The following ADAMTS12 variants were observed in gnomAD, a reference collection of about 807,000 sequenced individuals.
ADAMTS12 encodes the protein A disintegrin and metalloproteinase with thrombospondin motifs 12.
In ADAMTS12, 118 loss-of-function variants were observed where a neutral mutation model predicts 167.8. The observed-to-expected ratio is 0.70, with a 90% CI of 0.61 to 0.82. The LOEUF (loss-of-function observed/expected upper bound fraction) is 0.82, where lower values mean the gene tolerates loss of function less well. Among genes scored for constraint, ADAMTS12 ranks in the 40% least tolerant of loss-of-function variants. The pLI is 0.00. For synonymous variants in ADAMTS12, 704 were observed against 716.9 expected, an observed-to-expected ratio of 0.98 and a Z score of 0.29; for missense variants, 1,916 against 1,998.8, an observed-to-expected ratio of 0.96 and a Z score of 0.79.
At chr5:33,752,193 T>C (rs1007105683) in intron 2 of ADAMTS12, among the ~76,000 whole-genome samples, 8 of 152,172 alleles carry the variant, frequency 5.3e-5, no homozygotes, top group Middle Eastern at 3.2e-3. Flanking sequence ...GGCCAATGAG[T>C]AACTCCTTTT....
chr5:33,674,040 T>A (rs543293339), intron 5 of ADAMTS12, among the ~76,000 whole-genome samples: 1 of 152,296 alleles, frequency 6.6e-6, no homozygotes, highest in East Asian at 1.9e-4. Context: ...TGCTTTCCTC[T>A]TAGGGCCTCC....
intron 2 of ADAMTS12, among the ~76,000 whole-genome samples, chr5:33,780,908 G>A (rs1460353109): frequency 6.6e-6 from 1 of 152,068 alleles, no homozygotes; most frequent in African/African-American, 2.4e-5. Context: ...GTCTCATCAG[G>A]GAATCTCAGT....
intron 1 of ADAMTS12, among the ~76,000 whole-genome samples, chr5:33,883,414 G>A (rs1750528660): frequency 1.4e-5 from 2 of 146,038 alleles, no homozygotes; most frequent in South Asian, 2.2e-4. Flanking sequence ...GATGAAATAT[G>A]GGGCAGAATA....
chr5:33,639,392 G>A (rs1740350467), intron 11 of ADAMTS12, among the ~76,000 whole-genome samples: 1 of 152,142 alleles, frequency 6.6e-6, no homozygotes. Context: ...ATTTAAGACA[G>A]CAATTATGTA....
intron 3 of ADAMTS12, among the ~76,000 whole-genome samples, chr5:33,719,048 C>T (rs185190471): frequency 3.9e-5 from 6 of 152,080 alleles, no homozygotes; most frequent in Admixed American, 2.6e-4. Context: ...ACATGCCTTG[C>T]GGTGCTTAAT....
chr5:33,607,911 G>A lies in ADAMTS12; in HGVS notation c.2527+6327C>T, dbSNP rs536300180. On this transcript the variant is annotated intron_variant, in intron 16 of 23. Transcript: ENST00000504830. ...TTTTTAAAGAGAAAGAACTAGATAAGGAATTTTAATACTAACACATATATA... is the reference window on the plus strand; with the variant it reads ...TTTTTAAAGAGAAAGAACTAGATAAAGAATTTTAATACTAACACATATATA... Among the ~76,000 whole-genome samples the A allele has an allele frequency of 4.1e-3, 627 of 152,264 alleles. 4 individuals carry two copies. The highest frequency in any genetic ancestry group is 5.8e-3 in the Non-Finnish European group (392 of 68,022).
Position 33,821,415 on chromosome 5 carries a change from T to A in ADAMTS12, c.489+59704A>T, listed in dbSNP as rs549794284. ...TGGCATTTAGTTTGTTTCCAATTTA[T>A]GTATTTCGTTATTATAGCCAATACT... is the stretch of plus-strand genomic sequence containing the variant. On this transcript the variant is annotated intron_variant, in intron 2 of 23. Transcript: ENST00000504830. 1.9e-3 allele frequency among the ~76,000 whole-genome samples: 288 copies of A among 152,334 alleles called. 1 individual carries two copies. Among genetic ancestry groups the A allele is most frequent in the Middle Eastern group, 0.01 (3 of 294 alleles).
At chr5:33,755,736 T>G (rs1745144594) in intron 2 of ADAMTS12, among the ~76,000 whole-genome samples, 1 of 152,206 alleles carries the variant, frequency 6.6e-6, no homozygotes, top group Admixed American at 6.5e-5. Flanking sequence ...ACCCCAGACT[T>G]GTGTGATGGA....
intron 18 of ADAMTS12, among the ~76,000 whole-genome samples, chr5:33,587,938 G>A (rs996411850): frequency 6.6e-6 from 1 of 152,170 alleles, no homozygotes; most frequent in Non-Finnish European, 1.5e-5. Context: ...TAATAACTGG[G>A]AACATGACAA....
At chr5:33,531,533 G>C (rs953433681) in intron 23 of ADAMTS12, among the ~76,000 whole-genome samples, 3 of 152,210 alleles carry the variant, frequency 2.0e-5, no homozygotes, top group Non-Finnish European at 4.4e-5. Flanking sequence ...ACATCACACA[G>C]CTGGTACATA....
intron 2 of ADAMTS12, among the ~76,000 whole-genome samples, chr5:33,796,653 C>T (rs1410458980): frequency 6.6e-6 from 1 of 152,088 alleles, no homozygotes; most frequent in African/African-American, 2.4e-5. Context: ...CCAGGCCAGA[C>T]CATTTACATA....
intron 2 of ADAMTS12, 59 bp from the exon 3 acceptor site, chr5:33,751,607 C>A: frequency 6.4e-7 from 1 of 1,555,274 alleles, no homozygotes; most frequent in African/African-American, 1.4e-5. Context: ...CTACTAAAAA[C>A]AAAGTGAAAA....
chr5:33,675,110 C>T (rs1025241208), intron 5 of ADAMTS12, among the ~76,000 whole-genome samples: 2 of 152,142 alleles, frequency 1.3e-5, no homozygotes, highest in Non-Finnish European at 2.9e-5. Context: ...ACTTCCCAGT[C>T]GCCAGAACTA....
chr5:33,638,708 A>G (rs1740304923), intron 11 of ADAMTS12, among the ~76,000 whole-genome samples: 1 of 152,124 alleles, frequency 6.6e-6, no homozygotes, highest in Non-Finnish European at 1.5e-5. Flanking sequence ...TGATGGCACA[A>G]TCCAAGCTCT....
intron 19 of ADAMTS12, among the ~76,000 whole-genome samples, chr5:33,561,380 A>G (rs141731865): frequency 2.0e-5 from 3 of 152,386 alleles, no homozygotes; most frequent in Admixed American, 1.3e-4. Context: ...GATGCTCAGT[A>G]TTAAAAATAA....
chr5:33,733,874 T>G (rs76766668), intron 3 of ADAMTS12, among the ~76,000 whole-genome samples: 1 of 152,088 alleles, frequency 6.6e-6, no homozygotes, highest in Non-Finnish European at 1.5e-5. Flanking sequence ...GCAAGTACCA[T>G]GTGCATTTTA....
intron 5 of ADAMTS12, among the ~76,000 whole-genome samples, chr5:33,664,016 A>G (rs1741378555): frequency 6.6e-6 from 1 of 152,218 alleles, no homozygotes; most frequent in Admixed American, 6.5e-5. Context: ...ACCTAAGTCA[A>G]TACAGAAACA....
intron 16 of ADAMTS12, among the ~76,000 whole-genome samples, chr5:33,596,906 C>T (rs1375077323): frequency 1.3e-5 from 2 of 152,092 alleles, no homozygotes; most frequent in African/African-American, 4.8e-5. Context: ...ATTGATAATC[C>T]TGCTGCCTTC....
intron 3 of ADAMTS12, 127 bp from the exon 4 acceptor site, chr5:33,684,182 G>T: frequency 1.5e-6 from 1 of 667,414 alleles, no homozygotes; most frequent in Non-Finnish European, 2.1e-6. Context: ...ATGTTTTTAC[G>T]TACATAACCA....
Sources: gnomAD v4.1 joint callset for allele counts (sites outside exome capture counted in the v4.1 genomes callset) on GRCh38, gnomAD v4.1.1 for gene constraint, MANE v1.5 for transcripts, NCBI Gene and HGNC (gene_info 2026-07-23, HGNC 2026-07-21) for gene names.